NRG3: variants seen among roughly 807,000 people sequenced by gnomAD.
NRG3 encodes the protein pro-neuregulin-3, membrane-bound isoform.
In NRG3, 31 loss-of-function variants were observed where a neutral mutation model predicts 66.9. That is an observed-to-expected ratio of 0.46 (90% CI 0.35 to 0.63). The LOEUF is 0.63. Among genes scored for constraint, NRG3 ranks in the 20% least tolerant of loss-of-function variants. The pLI, the probability that NRG3 is intolerant of heterozygous loss-of-function variation, is 0.00. For missense variants in NRG3, 910 were observed against 878.9 expected (o/e 1.04, Z -0.45); for synonymous variants, 393 against 359.4 (o/e 1.09, Z -1.06).
chr10:82,726,855 A>G (rs960396459), intron 2 of NRG3, among the ~76,000 whole-genome samples: 1 of 152,210 alleles, frequency 6.6e-6, no homozygotes, highest in African/African-American at 2.4e-5. Flanking sequence ...TTTGACAAAA[A>G]TGCTGATAGT....
intron 1 of NRG3, among the ~76,000 whole-genome samples, chr10:82,217,416 A>G (rs1330231976): frequency 6.6e-6 from 1 of 152,120 alleles, no homozygotes; most frequent in Non-Finnish European, 1.5e-5. Context: ...TCCCTCCCAG[A>G]CTTTCTAAAT....
chr10:82,637,370 A>G (rs2082767399), intron 2 of NRG3, among the ~76,000 whole-genome samples: 1 of 152,178 alleles, frequency 6.6e-6, no homozygotes, highest in South Asian at 2.1e-4. Context: ...AATAAGATAA[A>G]TATTTGTTGA....
chr10:82,199,162 ACT>A (rs2074627169), intron 1 of NRG3, among the ~76,000 whole-genome samples: 1 of 143,174 alleles, frequency 7.0e-6, no homozygotes, highest in Non-Finnish European at 1.5e-5. Context: ...ACAGAGTGAG[ACT>A]CTGTCCGGAA....
chr10:82,142,784 T>TG, intron 1 of NRG3, among the ~76,000 whole-genome samples: 1 of 149,636 alleles, frequency 6.7e-6, no homozygotes, highest in East Asian at 2.0e-4. Flanking sequence ...TTTTTTTTTT[T>TG]TGAGACAGAG....
At chr10:81,894,825 C>T (rs1301810018) in intron 1 of NRG3, among the ~76,000 whole-genome samples, 1 of 152,130 alleles carries the variant, frequency 6.6e-6, no homozygotes, top group African/African-American at 2.4e-5. Flanking sequence ...CTATGCTGCT[C>T]TGCACCTGGG....
At chr10:82,547,623 A>G (rs1020657946) in intron 2 of NRG3, among the ~76,000 whole-genome samples, 23 of 151,458 alleles carry the variant, frequency 1.5e-4, no homozygotes, top group Admixed American at 2.0e-4. Context: ...ATATACATAT[A>G]TGTGTGTGTG....
intron 1 of NRG3, among the ~76,000 whole-genome samples, chr10:81,887,099 A>G (rs117829117): frequency 0.038 from 5,853 of 152,200 alleles, 139 homozygotes; most frequent in Non-Finnish European, 0.041. Flanking sequence ...GGTTCTGTGA[A>G]GATTGTTTTT....
intron 1 of NRG3, among the ~76,000 whole-genome samples, chr10:81,986,365 G>A (rs1009756104): frequency 7.2e-5 from 11 of 152,032 alleles, no homozygotes; most frequent in Non-Finnish European, 4.4e-5. Context: ...TCAACTGAAG[G>A]ATTTCAAAAT....
chr10:81,926,437 A>G (rs1564663388), intron 1 of NRG3, among the ~76,000 whole-genome samples: 1 of 152,130 alleles, frequency 6.6e-6, no homozygotes, highest in South Asian at 2.1e-4. Flanking sequence ...GCTACTTTAG[A>G]GAAGAGAATA....
Position 81,876,006 on chromosome 10 carries a change from C to T in NRG3, c.666C>T (p.Pro222=), listed in dbSNP as rs200521126. ...VPGTPSTQAM[P]SWPTAAYATS... is the part of the protein sequence containing the mutation. ...GAACTCCAAGTACCCAGGCAATGCC[C>T]TCCTGGCCTACTGCGGCATACGCTA... Residue 222 remains proline, a synonymous_variant, in exon 1 of 9, where the codon CCC becomes CCT. Coordinates refer to ENST00000372141, the MANE Select transcript of NRG3 (RefSeq NM_001010848.4). 2.7e-4 allele frequency: 435 copies of T among 1,614,070 alleles called. 1 individual carries two copies. Among genetic ancestry groups the T allele is most frequent in the Non-Finnish European group, 3.4e-4 (403 of 1,180,038 alleles).
chr10:82,689,033 C>T (rs552379595), intron 2 of NRG3, among the ~76,000 whole-genome samples: 1 of 152,188 alleles, frequency 6.6e-6, no homozygotes, highest in Non-Finnish European at 1.5e-5. Context: ...AAATGTTTAT[C>T]ATTAGAACTG....
Position 82,007,211 on chromosome 10 carries a change from C to CTTTTTTTTTTTTT in NRG3, c.823+131052_823+131064dup, listed in dbSNP as rs34146080. ...AAAATCAAATTTTCTTTTTTCTTTT[C>CTTTTTTTTTTTTT]TTTTTTTTTTTTTTTTGAGACAGAG... is the stretch of plus-strand genomic sequence containing the variant. On this transcript the variant is annotated intron_variant, in intron 1 of 8. Transcript: ENST00000372141. Among the ~76,000 whole-genome samples the CTTTTTTTTTTTTT allele has an allele frequency of 5.4e-5, 7 of 130,548 alleles. 1 individual carries two copies. The highest frequency in any genetic ancestry group is 8.3e-5 in the Admixed American group (1 of 12,112). 85.6% of individuals were successfully genotyped at this position (130,548 alleles called of 152,430 possible).
intron 2 of NRG3, among the ~76,000 whole-genome samples, chr10:82,423,828 C>G (rs1327204443): frequency 6.6e-6 from 1 of 151,994 alleles, no homozygotes; most frequent in East Asian, 1.9e-4. Context: ...TTTCCATAAC[C>G]TGACAACCAC....
intron 1 of NRG3, among the ~76,000 whole-genome samples, chr10:82,115,224 T>C (rs2067633863): frequency 6.6e-6 from 1 of 152,050 alleles, no homozygotes; most frequent in African/African-American, 2.4e-5. Flanking sequence ...GTTGAGGTGA[T>C]GCTTTCTTCC....
At chr10:82,752,039 T>G (rs568883416) in intron 3 of NRG3, among the ~76,000 whole-genome samples, 3 of 152,262 alleles carry the variant, frequency 2.0e-5, no homozygotes, top group Admixed American at 1.3e-4. Context: ...ATTGAATGAG[T>G]GAAAGAGAGA....
intron 1 of NRG3, among the ~76,000 whole-genome samples, chr10:82,196,203 C>T (rs1473470638): frequency 1.3e-5 from 2 of 152,152 alleles, no homozygotes; most frequent in East Asian, 3.9e-4. Flanking sequence ...AATGCTGTGC[C>T]TCAGAACAGT....
At chr10:82,937,558 C>T (rs924056465) in intron 4 of NRG3, among the ~76,000 whole-genome samples, 1 of 152,156 alleles carries the variant, frequency 6.6e-6, no homozygotes, top group Non-Finnish European at 1.5e-5. Context: ...GAAGGGGTAG[C>T]CCTCTGCACC....
At chr10:81,995,248 A>G (rs867302981) in intron 1 of NRG3, among the ~76,000 whole-genome samples, 1 of 152,212 alleles carries the variant, frequency 6.6e-6, no homozygotes, top group Non-Finnish European at 1.5e-5. Context: ...ATGCCAATAA[A>G]TATTTAGTTA....
At chr10:81,985,903 T>C (rs897628516) in intron 1 of NRG3, among the ~76,000 whole-genome samples, 7 of 152,218 alleles carry the variant, frequency 4.6e-5, no homozygotes, top group African/African-American at 1.7e-4. Context: ...TGCATAAATC[T>C]GTATCAGTCA....
Sources: gnomAD v4.1 joint callset for allele counts (sites outside exome capture counted in the v4.1 genomes callset) on GRCh38, gnomAD v4.1.1 for gene constraint, MANE v1.5 for transcripts, NCBI Gene and HGNC (gene_info 2026-07-23, HGNC 2026-07-21) for gene names.